The following LRRTM4 variants were observed in gnomAD, a reference collection of about 807,000 sequenced individuals.
LRRTM4 encodes leucine-rich repeat transmembrane neuronal protein 4.
LRRTM4 carries 25 observed loss-of-function variants against 47.6 expected under a neutral mutation model. The observed-to-expected ratio is 0.53, with a 90% CI of 0.38 to 0.73. LRRTM4 has a LOEUF of 0.73. LRRTM4 is among the 30% of genes least tolerant of loss of function. The probability of loss-of-function intolerance (pLI) is 0.00; values close to 1 mark genes in which losing one functional copy is unlikely to be tolerated. For synonymous variants in LRRTM4, 311 were observed against 269.5 expected, an observed-to-expected ratio of 1.15 and a Z score of -1.51; for missense variants, 638 against 713.4, an observed-to-expected ratio of 0.89 and a Z score of 1.20.
At chr2:76,859,361 G>C (rs1672246398) in intron 3 of LRRTM4, among the ~76,000 whole-genome samples, 1 of 151,950 alleles carries the variant, frequency 6.6e-6, no homozygotes, top group Non-Finnish European at 1.5e-5. Flanking sequence ...GAGAAATACA[G>C]TGTATGATAC....
intron 3 of LRRTM4, among the ~76,000 whole-genome samples, chr2:76,967,050 T>TA (rs1394571874): frequency 6.6e-6 from 1 of 151,610 alleles, no homozygotes; most frequent in African/African-American, 2.4e-5. Context: ...ATCAGGCTCC[T>TA]AAGTCACTAT....
intron 3 of LRRTM4, among the ~76,000 whole-genome samples, chr2:77,206,510 A>G (rs1441889055): frequency 6.6e-6 from 1 of 150,726 alleles, no homozygotes; most frequent in Non-Finnish European, 1.5e-5. Flanking sequence ...TTTGAGACAG[A>G]GTCTCGCACA....
chr2:77,029,946 A>G (rs1678591795), intron 3 of LRRTM4, among the ~76,000 whole-genome samples: 2 of 152,326 alleles, frequency 1.3e-5, no homozygotes, highest in East Asian at 3.9e-4. Context: ...TAAGAGGATT[A>G]AAACAAATAA....
At chr2:77,223,532 T>C (rs186476081) in intron 3 of LRRTM4, among the ~76,000 whole-genome samples, 6 of 152,294 alleles carry the variant, frequency 3.9e-5, no homozygotes, top group African/African-American at 1.4e-4. Context: ...AAAATCAATG[T>C]GCAAAAATCA....
At chr2:76,784,183 G>T (rs1674549869) in intron 3 of LRRTM4, among the ~76,000 whole-genome samples, 1 of 151,950 alleles carries the variant, frequency 6.6e-6, no homozygotes, top group African/African-American at 2.4e-5. Flanking sequence ...GGAAGCATAG[G>T]TACCACTAGA....
At chr2:77,212,496 G>A (rs1245582487) in intron 3 of LRRTM4, among the ~76,000 whole-genome samples, 2 of 148,246 alleles carry the variant, frequency 1.3e-5, no homozygotes, top group African/African-American at 2.5e-5. Context: ...GAGAGAGAGC[G>A]AGAGAGTTAA....
At position 76,811,595 on chromosome 2, in the gene LRRTM4, A is replaced by G. The variant is rs546761605; in HGVS notation, c.1552-62679T>C. Among the ~76,000 whole-genome samples the G allele has an allele frequency of 3.9e-5, 6 of 152,294 alleles. No individual in the cohort carries two copies. The East Asian group carries it at 1.2e-3, about 30-fold the overall frequency. On this transcript the variant is annotated intron_variant, in intron 3 of 3. Transcript: ENST00000409884. ...TCAGGAGGTCTACCTTGTTTCTGCC[A>G]TGTACATGTCAGCAGGTGAGTGTGT... is the stretch of plus-strand genomic sequence containing the variant.
At chr2:76,792,915 T>C (rs968119449) in intron 3 of LRRTM4, among the ~76,000 whole-genome samples, 16 of 152,186 alleles carry the variant, frequency 1.1e-4, no homozygotes, top group African/African-American at 3.6e-4. Flanking sequence ...TTTCATATAT[T>C]TTCCCTGGGT....
At chr2:76,776,902 TAA>T (rs1313018830) in intron 3 of LRRTM4, among the ~76,000 whole-genome samples, 1 of 142,900 alleles carries the variant, frequency 7.0e-6, no homozygotes, top group African/African-American at 2.6e-5. Context: ...GTCTAATGTT[TAA>T]GTCTTTAATC....
chr2:77,274,135 A>G (rs12468242), intron 3 of LRRTM4, among the ~76,000 whole-genome samples: 12,650 of 152,062 alleles, frequency 0.083, 1,333 homozygotes, highest in African/African-American at 0.24. Flanking sequence ...TCTCTCATAT[A>G]TGATCACATT....
intron 3 of LRRTM4, among the ~76,000 whole-genome samples, chr2:77,398,266 A>G (rs1257373216): frequency 6.6e-6 from 1 of 151,906 alleles, no homozygotes; most frequent in Admixed American, 6.6e-5. Context: ...ATAACAGATA[A>G]TACATAAGAA....
intron 3 of LRRTM4, among the ~76,000 whole-genome samples, chr2:77,512,332 TAC>T (rs1003974384): frequency 2.6e-5 from 4 of 152,098 alleles, no homozygotes; most frequent in African/African-American, 7.2e-5. Flanking sequence ...TTTCCTACCT[TAC>T]AGTTACAATT....
At position 77,214,710 on chromosome 2, in the gene LRRTM4, T is replaced by C. The variant is rs571631814; in HGVS notation, c.1551+303608A>G. 4.0e-4 allele frequency among the ~76,000 whole-genome samples: 61 copies of C among 152,086 alleles called. 1 individual carries two copies. In the South Asian group the frequency reaches 0.012, roughly 31 times the overall value. Reference sequence around the variant, plus strand: ...ATTTTTATATAAATCTTTTTTTTTTTACCATTGCTAACTTGTTAATATGGA... The same window carrying C: ...ATTTTTATATAAATCTTTTTTTTTTCACCATTGCTAACTTGTTAATATGGA... On this transcript the variant is annotated intron_variant, in intron 3 of 3. Coordinates refer to ENST00000409884, the MANE Select transcript of LRRTM4 (RefSeq NM_001134745.3).
chr2:77,303,724 CTTG>C (rs1677200433), intron 3 of LRRTM4, among the ~76,000 whole-genome samples: 2 of 152,068 alleles, frequency 1.3e-5, no homozygotes, highest in South Asian at 4.1e-4. Context: ...CTTTCTATGC[CTTG>C]TTTAGTTCAT....
chr2:76,843,130 A>G (rs1257123210), intron 3 of LRRTM4, among the ~76,000 whole-genome samples: 1 of 152,170 alleles, frequency 6.6e-6, no homozygotes, highest in Non-Finnish European at 1.5e-5. Flanking sequence ...GTTGATAGCC[A>G]TCCTCTTTTT....
At chr2:77,409,291 A>G (rs1162253745) in intron 3 of LRRTM4, among the ~76,000 whole-genome samples, 2 of 152,176 alleles carry the variant, frequency 1.3e-5, no homozygotes, top group Non-Finnish European at 2.9e-5. Context: ...AGTGTACAGA[A>G]CGGAATTCTA....
intron 3 of LRRTM4, among the ~76,000 whole-genome samples, chr2:77,310,381 AGTTTT>A (rs1677418802): frequency 6.6e-6 from 1 of 152,140 alleles, no homozygotes; most frequent in South Asian, 2.1e-4. Flanking sequence ...TCTTTGAGGC[AGTTTT>A]TATCATTAGT....
chr2:77,385,389 T>A (rs1673221148), intron 3 of LRRTM4, among the ~76,000 whole-genome samples: 1 of 152,106 alleles, frequency 6.6e-6, no homozygotes, highest in Admixed American at 6.6e-5. Context: ...TCCAAAGGGA[T>A]TTTCCAAGCA....
chr2:76,999,283 A>G (rs1214450515), intron 3 of LRRTM4, among the ~76,000 whole-genome samples: 2 of 151,794 alleles, frequency 1.3e-5, no homozygotes, highest in African/African-American at 2.4e-5. Context: ...AGACTGATAC[A>G]ATTCTCAAGT....
Sources: allele counts gnomAD v4.1 joint callset (sites outside exome capture counted in the v4.1 genomes callset), GRCh38; gene constraint gnomAD v4.1.1; transcripts MANE v1.5; gene names NCBI Gene and HGNC (gene_info 2026-07-23, HGNC 2026-07-21).